SRL: variants seen among roughly 807,000 people sequenced by gnomAD.
SRL encodes sarcalumenin.
A neutral mutation model predicts 39.5 loss-of-function variants in SRL; 23 were observed. The ratio of observed to expected loss-of-function variants is 0.58; its 90% CI spans 0.42 to 0.82. SRL has a LOEUF of 0.82. Ranked by LOEUF, SRL falls within the 40% of genes least tolerant of loss-of-function variation. The probability of loss-of-function intolerance (pLI) is 0.00; values close to 1 mark genes in which losing one functional copy is unlikely to be tolerated. For synonymous variants in SRL, 272 were observed against 237.4 expected, an observed-to-expected ratio of 1.15 and a Z score of -1.34; for missense variants, 592 against 607.8, an observed-to-expected ratio of 0.97 and a Z score of 0.27.
chr16:4,203,612 C>G (rs1456291092), intron 2 of SRL, among the ~76,000 whole-genome samples: 2 of 152,290 alleles, frequency 1.3e-5, no homozygotes, highest in East Asian at 3.9e-4. Flanking sequence ...GCCTCTAACT[C>G]CTGGGCTCAA....
intron 1 of SRL, chr16:4,207,020 C>A (rs755306588): frequency 6.6e-6 from 3 of 453,534 alleles, no homozygotes; most frequent in Non-Finnish European, 8.9e-6. Context: ...CCTGGGGATC[C>A]CCGCCTTCCT....
intron 1 of SRL, among the ~76,000 whole-genome samples, chr16:4,210,578 C>T (rs922536514): frequency 2.7e-5 from 4 of 146,912 alleles, no homozygotes; most frequent in Admixed American, 2.1e-4. Context: ...GTAATCTCCA[C>T]CTCCCGGGTT....
intron 1 of SRL, among the ~76,000 whole-genome samples, chr16:4,224,523 G>A (rs2052566051): frequency 6.6e-6 from 1 of 152,076 alleles, no homozygotes; most frequent in South Asian, 2.1e-4. Context: ...CTGGGCAACA[G>A]GGTGAAACCT....
chr16:4,199,736 C>T (rs1277048042), intron 3 of SRL, among the ~76,000 whole-genome samples: 1 of 114,884 alleles, frequency 8.7e-6, no homozygotes, highest in Non-Finnish European at 1.7e-5. Context: ...TTGCTCTGTT[C>T]CCCAGGCTAG....
Position 4,221,872 on chromosome 16 carries a change from C to A in SRL, c.62-17238G>T, listed in dbSNP as rs150628460. Among the ~76,000 whole-genome samples the A allele has an allele frequency of 6.6e-5, 10 of 152,198 alleles. No homozygotes were observed. In the East Asian group the frequency reaches 1.9e-3, roughly 29 times the overall value. On this transcript the variant is annotated intron_variant, in intron 1 of 5. Coordinates refer to ENST00000399609, the MANE Select transcript of SRL (RefSeq NM_001098814.2). The stretch of plus-strand genomic sequence containing the variant: ...TGTGGCTGCGTCACTCCAGTCTCTG[C>A]CTCCACTGACACAAGGCCTTCTCTG...
intron 1 of SRL, among the ~76,000 whole-genome samples, chr16:4,237,983 C>G (rs1330842256): frequency 6.6e-6 from 1 of 152,166 alleles, no homozygotes; most frequent in African/African-American, 2.4e-5. Context: ...CCTCCTCTCC[C>G]CTACTGGACT....
At chr16:4,207,751 C>T (rs763442657) in intron 1 of SRL, 2 of 433,610 alleles carry the variant, frequency 4.6e-6, no homozygotes, top group South Asian at 3.3e-5. Context: ...TCCACAGGCC[C>T]CTTGGCCCCT....
rs10153116 is a variant in SRL at position 4,228,532 on chromosome 16, G to C, written c.61+13475C>G. On this transcript the variant is annotated intron_variant, in intron 1 of 5. Coordinates refer to ENST00000399609, the MANE Select transcript of SRL (RefSeq NM_001098814.2). ...GGGCGGATCACTAGGTCAGGAGATC[G>C]AGACCATCCTGGCTAACACGGTGAA... 5.4e-4 allele frequency among the ~76,000 whole-genome samples: 82 copies of C among 151,828 alleles called. No homozygotes were observed. The South Asian group carries it at 6.4e-3, about 12-fold the overall frequency.
At chr16:4,235,395 A>T (rs1203406325) in intron 1 of SRL, among the ~76,000 whole-genome samples, 2 of 152,204 alleles carry the variant, frequency 1.3e-5, no homozygotes, top group African/African-American at 4.8e-5. Flanking sequence ...GTCCACAAAG[A>T]AGAATGAAAA....
intron 1 of SRL, among the ~76,000 whole-genome samples, chr16:4,228,592 A>C (rs367832488): frequency 6.7e-6 from 1 of 149,986 alleles, no homozygotes; most frequent in Non-Finnish European, 1.5e-5. Flanking sequence ...AAAATTAGTC[A>C]GGCGTGGTGG....
chr16:4,235,750 T>C (rs1361250215), intron 1 of SRL, among the ~76,000 whole-genome samples: 1 of 152,142 alleles, frequency 6.6e-6, no homozygotes, highest in African/African-American at 2.4e-5. Context: ...AGTCATCATC[T>C]GAGTAACTCA....
At chr16:4,218,482 G>A (rs2052486415) in intron 1 of SRL, among the ~76,000 whole-genome samples, 2 of 152,164 alleles carry the variant, frequency 1.3e-5, no homozygotes, top group South Asian at 2.1e-4. Flanking sequence ...CCTGGAGAAC[G>A]CAGCCAGGGC....
chr16:4,202,946 G>A (rs1255516529), intron 3 of SRL, among the ~76,000 whole-genome samples: 1 of 152,170 alleles, frequency 6.6e-6, no homozygotes, highest in African/African-American at 2.4e-5. Flanking sequence ...AAAGCATCGC[G>A]CTGTGCTGGT....
chr16:4,199,756 G>A (rs983600074), intron 3 of SRL, among the ~76,000 whole-genome samples: 3 of 145,492 alleles, frequency 2.1e-5, no homozygotes, highest in African/African-American at 5.1e-5. Flanking sequence ...GAGTGCAGTG[G>A]CACAATCTCA....
intron 1 of SRL, among the ~76,000 whole-genome samples, chr16:4,217,582 C>G (rs961156448): frequency 3.3e-5 from 5 of 152,208 alleles, no homozygotes; most frequent in African/African-American, 1.2e-4. Flanking sequence ...CCCCCACCCC[C>G]CGCTGTCTTA....
chr16:4,204,210 C>A (rs1250156406), intron 2 of SRL, among the ~76,000 whole-genome samples: 1 of 152,234 alleles, frequency 6.6e-6, no homozygotes, highest in East Asian at 1.9e-4. Context: ...CTAAAAATCA[C>A]AGCGAGGGAG....
chr16:4,208,513 G>A (rs1007557883), intron 1 of SRL, among the ~76,000 whole-genome samples: 4 of 152,148 alleles, frequency 2.6e-5, no homozygotes, highest in Non-Finnish European at 4.4e-5. Flanking sequence ...GTGTGCAGCT[G>A]GGCTCAACCT....
intron 1 of SRL, among the ~76,000 whole-genome samples, 190 bp from the exon 2 acceptor site, chr16:4,204,824 G>A (rs903664822): frequency 1.3e-5 from 2 of 152,224 alleles, no homozygotes; most frequent in Non-Finnish European, 2.9e-5. Context: ...CATGTGTAGT[G>A]TATTCGCATT....
chr16:4,220,406 C>G (rs2052512093), intron 1 of SRL, among the ~76,000 whole-genome samples: 1 of 151,856 alleles, frequency 6.6e-6, no homozygotes, highest in African/African-American at 2.4e-5. Context: ...CGAGATCACG[C>G]CATTGCACTC....
Sources: gnomAD v4.1 joint callset for allele counts (sites outside exome capture counted in the v4.1 genomes callset) on GRCh38, gnomAD v4.1.1 for gene constraint, MANE v1.5 for transcripts, NCBI Gene and HGNC (gene_info 2026-07-23, HGNC 2026-07-21) for gene names.